The following ZNF37A variants were observed in gnomAD, a reference collection of about 807,000 sequenced individuals.
The protein encoded by ZNF37A is zinc finger protein 37A.
A neutral mutation model predicts 12.3 loss-of-function variants in ZNF37A; 10 were observed. The observed-to-expected ratio is 0.82, with a 90% confidence interval of 0.50 to 1.38. The LOEUF (loss-of-function observed/expected upper bound fraction) is 1.38, where lower values mean the gene tolerates loss of function less well. ZNF37A is among the 40% of genes most tolerant of loss of function. The pLI is 0.00. For missense variants in ZNF37A, 580 were observed against 651.2 expected (o/e 0.89, Z 1.19); for synonymous variants, 207 against 223.0 (o/e 0.93, Z 0.64).
Position 38,119,416 on chromosome 10 carries a change from G to A in ZNF37A, c.*579G>A, listed in dbSNP as rs934107756. The A allele has an allele frequency of 3.0e-6, 3 of 986,748 alleles. No individual in the cohort carries two copies. Among genetic ancestry groups the A allele is most frequent in the African/African-American group, 3.5e-5 (2 of 57,202 alleles). The allele number at this position is 986,748 out of a possible 1,614,324, so 61.1% of individuals were successfully genotyped here. A position where few individuals can be genotyped will look rare whatever the true frequency, so the allele number is the denominator to read the frequency against. ...CATTTACTATGAGGTTATATTTTAT[G>A]GAGTATATGTAATAAGAAGTAGCTT... On this transcript the variant is annotated 3_prime_UTR_variant, in exon 8 of 8. Transcript: ENST00000685332.
At chr10:38,129,323 CTAT>C (rs57482991), downstream of ZNF37A, among the ~76,000 whole-genome samples, 1 of 62,170 alleles carries the variant, frequency 1.6e-5, no homozygotes, top group Non-Finnish European at 3.6e-5. Flanking sequence ...AAAAAAAAAA[CTAT>C]TATTTTTTAT....
chr10:38,130,567 T>A lies in ZNF37A; in HGVS notation c.238+15277T>A, dbSNP rs190108481. 2.3e-3 allele frequency among the ~76,000 whole-genome samples: 357 copies of A among 152,272 alleles called. 2 individuals are homozygous for A. The highest frequency in any genetic ancestry group is 0.014 in the Middle Eastern group (4 of 294). Reference sequence around the variant, plus strand: ...CCTCTGCCTTCAGAGTTTAAGTGATTCTCCTGCCTCAGCCCCCCAGGTAGC... The same window carrying A: ...CCTCTGCCTTCAGAGTTTAAGTGATACTCCTGCCTCAGCCCCCCAGGTAGC... On this transcript the variant is annotated intron_variant, in intron 7 of 7. Transcript: ENST00000638053.
intron 5 of ZNF37A, among the ~76,000 whole-genome samples, chr10:38,097,790 T>G (rs1421559656): frequency 1.3e-5 from 2 of 151,854 alleles, no homozygotes; most frequent in African/African-American, 4.8e-5. Flanking sequence ...AAAATTATGG[T>G]AAAATACACA....
chr10:38,135,209 A>G (rs1211367228), intron 7 of ZNF37A, among the ~76,000 whole-genome samples: 1 of 152,084 alleles, frequency 6.6e-6, no homozygotes, highest in Admixed American at 6.6e-5. Context: ...ACATTGTGAA[A>G]CCCCGTCTCT....
downstream of ZNF37A, chr10:38,125,178 A>G (rs2069906334): frequency 6.6e-6 from 1 of 152,192 alleles, no homozygotes; most frequent in South Asian, 2.1e-4. Context: ...TTATAATACA[A>G]ATGATTTACT....
At chr10:38,102,863 G>C (rs1436476984) in intron 5 of ZNF37A, among the ~76,000 whole-genome samples, 3 of 151,982 alleles carry the variant, frequency 2.0e-5, no homozygotes, top group African/African-American at 4.8e-5. Context: ...GTACTTTAAA[G>C]GTGCCATTAT....
At position 38,118,452 on chromosome 10, in the gene ZNF37A, C is replaced by A; in HGVS notation, c.1301C>A (p.Thr434Lys). The A allele has an allele frequency of 1.2e-6, 2 of 1,614,012 alleles. No individual in the cohort carries two copies. The highest frequency in any genetic ancestry group is 1.7e-6 in the Non-Finnish European group (2 of 1,179,992). Residue 434 changes from threonine to lysine, a missense_variant, in exon 8 of 8, where the codon ACA becomes AAA. Coordinates refer to ENST00000685332, the MANE Select transcript of ZNF37A (RefSeq NM_001324250.3). The part of the protein sequence containing the change: ...STLTKHLRTH[T>K]GEKPYECIQC... ...CTTACTAAACATCTAAGAACTCACA[C>A]AGGTGAGAAACCTTATGAATGTATT... is the stretch of plus-strand genomic sequence containing the variant.
intron 7 of ZNF37A, chr10:38,139,226 C>T (rs2070149670): frequency 6.6e-6 from 1 of 152,054 alleles, no homozygotes; most frequent in Admixed American, 6.6e-5. Flanking sequence ...AATCCTCATT[C>T]TCTTGCTTCC....
chr10:38,117,670 C>G lies in ZNF37A; in HGVS notation c.519C>G (p.Thr173=), dbSNP rs1164423007. Residue 173 remains threonine (T), a synonymous_variant, in exon 8 of 8, where the codon ACC becomes ACG. Transcript: ENST00000685332. ...AGAGAGGTTACACAGGACAGAAAAC[C>G]TGCAAATATACTGAACATGGGAAAA... ...VHKRGYTGQK[T]CKYTEHGKTC... The G allele has an allele frequency of 2.5e-6, 4 of 1,613,838 alleles. No individual in the cohort carries two copies. Among genetic ancestry groups the G allele is most frequent in the Admixed American group, 1.7e-5 (1 of 59,952 alleles).
intron 7 of ZNF37A, among the ~76,000 whole-genome samples, chr10:38,135,770 T>C (rs2070099929): frequency 2.6e-5 from 4 of 151,994 alleles, no homozygotes; most frequent in African/African-American, 9.7e-5. Flanking sequence ...GCAGGGGAAA[T>C]GTTAGAAGTT....
intron 5 of ZNF37A, among the ~76,000 whole-genome samples, chr10:38,105,253 C>T (rs1017075371): frequency 6.6e-5 from 10 of 152,104 alleles, no homozygotes; most frequent in African/African-American, 2.4e-4. Context: ...GATCTGCCCA[C>T]CTTGGCCTAA....
intron 7 of ZNF37A, among the ~76,000 whole-genome samples, chr10:38,134,264 C>A (rs181919070): frequency 2.6e-5 from 4 of 152,286 alleles, no homozygotes; most frequent in Admixed American, 6.5e-5. Context: ...TTTGTTATTA[C>A]CGATCGTCTG....
At chr10:38,100,976 G>T (rs2067520210) in intron 5 of ZNF37A, among the ~76,000 whole-genome samples, 1 of 152,114 alleles carries the variant, frequency 6.6e-6, no homozygotes, top group Non-Finnish European at 1.5e-5. Context: ...CCTCTGTTTG[G>T]GGTCCCTGAC....
rs775814730 is a variant in ZNF37A at position 38,114,820 on chromosome 10, T to C, written c.81T>C (p.Pro27=). 1 of 1,613,890 alleles carries C rather than the reference T, an allele frequency of 6.2e-7. No individual in the cohort carries two copies. Among genetic ancestry groups the C allele is most frequent in the Non-Finnish European group, 8.5e-7 (1 of 1,179,912 alleles). ...FTQEEWQHLD[P]AQRTLYRDVM... is the part of the protein sequence containing the mutation. ...AAGAGGAGTGGCAGCATCTGGACCC[T>C]GCTCAGAGGACCCTGTACAGGGATG... The change falls in exon 6 of 8, where the codon CCT becomes CCC. Residue 27 remains proline, a synonymous_variant. Transcript: ENST00000685332.
exon 8 of ZNF37A, chr10:38,149,386 G>A (rs1405866238): frequency 1.3e-5 from 2 of 152,096 alleles, no homozygotes; most frequent in African/African-American, 2.4e-5. Context: ...CCACTTGGGA[G>A]GCTCTCGCCC....
chr10:38,118,116 CA>C lies in ZNF37A; in HGVS notation c.966del (p.Glu324ArgfsTer107). The C allele has an allele frequency of 1.2e-6, 2 of 1,613,804 alleles. No individual in the cohort carries two copies. Among genetic ancestry groups the C allele is most frequent in the Non-Finnish European group, 1.7e-6 (2 of 1,179,852 alleles). ...SDLIKHQRIHTGERPYGCHEC... is the reference protein window; with the variant it reads ...SDLIKHQRIHXGERPYGCHEC... ...CTCATTAAACATCAAAGAATTCATA[CA>C]GGGGAGAGACCTTATGGATGTCATG... is the stretch of plus-strand genomic sequence containing the variant. On this transcript the variant is annotated frameshift_variant, in exon 8 of 8. Coordinates refer to ENST00000685332, the MANE Select transcript of ZNF37A (RefSeq NM_001324250.3). LOFTEE classifies it low-confidence loss of function (END_TRUNC).
intron 5 of ZNF37A, among the ~76,000 whole-genome samples, chr10:38,108,808 CAAAT>C (rs986021092): frequency 6.6e-6 from 1 of 152,114 alleles, no homozygotes; most frequent in African/African-American, 2.4e-5. Flanking sequence ...CCTGAATAGA[CAAAT>C]AACAAGTTCT....
chr10:38,114,624 C>G (rs978271144), intron 5 of ZNF37A, 131 bp from the exon 6 acceptor site: 2 of 1,115,042 alleles, frequency 1.8e-6, no homozygotes, highest in African/African-American at 3.1e-5. Flanking sequence ...CAACATATAT[C>G]ATAGGGGCCC....
At chr10:38,131,449 A>G (rs1202382885) in intron 7 of ZNF37A, among the ~76,000 whole-genome samples, 2 of 152,082 alleles carry the variant, frequency 1.3e-5, no homozygotes, top group Non-Finnish European at 2.9e-5. Context: ...GAAGACTATC[A>G]TTTTTCTATT....
Sources: gnomAD v4.1 joint callset for allele counts (sites outside exome capture counted in the v4.1 genomes callset) on GRCh38, gnomAD v4.1.1 for gene constraint, MANE v1.5 for transcripts, NCBI Gene and HGNC (gene_info 2026-07-23, HGNC 2026-07-21) for gene names.